The following PRKCB variants were observed in gnomAD, a reference collection of about 807,000 sequenced individuals.
The protein encoded by PRKCB is protein kinase C beta type.
A neutral mutation model predicts 81.5 loss-of-function variants in PRKCB; 13 were observed. The ratio of observed to expected loss-of-function variants is 0.16; its 90% CI spans 0.10 to 0.25. The LOEUF (loss-of-function observed/expected upper bound fraction) is 0.25. PRKCB is among the 10% of genes least tolerant of loss of function. PRKCB has a pLI of 1.00. For synonymous variants in PRKCB, 335 were observed against 321.4 expected (o/e 1.04, Z -0.45); for missense variants, 509 against 875.7 (o/e 0.58, Z 5.29).
intron 3 of PRKCB, among the ~76,000 whole-genome samples, chr16:24,007,060 C>T (rs1198879182): frequency 6.6e-6 from 1 of 152,208 alleles, no homozygotes; most frequent in Non-Finnish European, 1.5e-5. Context: ...TATAAAAGCT[C>T]TGAAACCAGA....
At chr16:24,085,497 C>T (rs1374590391) in intron 5 of PRKCB, among the ~76,000 whole-genome samples, 2 of 152,184 alleles carry the variant, frequency 1.3e-5, no homozygotes, top group East Asian at 1.9e-4. Context: ...CACTGTTATC[C>T]TCTATCATTA....
intron 10 of PRKCB, among the ~76,000 whole-genome samples, chr16:24,155,327 C>T (rs559663781): frequency 1.3e-5 from 2 of 152,268 alleles, no homozygotes; most frequent in South Asian, 4.2e-4. Context: ...TACACAGTGT[C>T]CTGGGAAGGA....
intron 4 of PRKCB, among the ~76,000 whole-genome samples, chr16:24,035,203 G>T (rs559250561): frequency 2.4e-4 from 36 of 152,318 alleles, no homozygotes; most frequent in Non-Finnish European, 4.0e-4. Flanking sequence ...GAACAGACAA[G>T]TTCTACCTCC....
chr16:24,211,825 T>C (rs559587676), intron 16 of PRKCB, among the ~76,000 whole-genome samples: 3 of 152,148 alleles, frequency 2.0e-5, no homozygotes, highest in African/African-American at 7.2e-5. Flanking sequence ...TTCCCAAAGT[T>C]CAGGGATTAC....
At chr16:23,976,369 A>G (rs1260121179) in intron 2 of PRKCB, among the ~76,000 whole-genome samples, 3 of 152,022 alleles carry the variant, frequency 2.0e-5, no homozygotes. Context: ...CAGTTTAACA[A>G]CTCTGCTGGA....
chr16:24,089,384 A>C (rs12448730), intron 5 of PRKCB, among the ~76,000 whole-genome samples: 8,407 of 152,234 alleles, frequency 0.055, 684 homozygotes, highest in African/African-American at 0.18. Flanking sequence ...GAAGGGTTCG[A>C]GTAAACATCG....
intron 3 of PRKCB, among the ~76,000 whole-genome samples, chr16:24,027,748 AC>A (rs1204733732): frequency 6.6e-6 from 1 of 152,194 alleles, no homozygotes; most frequent in African/African-American, 2.4e-5. Flanking sequence ...ATTGAGACAT[AC>A]GTTTCCTGTG....
Position 23,858,351 on chromosome 16 carries a change from GGA to G in PRKCB, c.205+20947_205+20948del, listed in dbSNP as rs574982758. Among the ~76,000 whole-genome samples the G allele has an allele frequency of 2.0e-5, 3 of 152,242 alleles. No homozygotes were observed. The South Asian group carries it at 6.2e-4, about 32-fold the overall frequency. On this transcript the variant is annotated intron_variant, in intron 2 of 16. Coordinates refer to ENST00000643927, the MANE Select transcript of PRKCB (RefSeq NM_002738.7). ...GGTGAAGGGCTCCGGGGGTCACAGA[GGA>G]GCACCATGGTGAGGAAGGCCCCGTA...
At position 23,981,442 on chromosome 16, in the gene PRKCB, A is replaced by T. The variant is rs139098644; in HGVS notation, c.206-7066A>T. Among the ~76,000 whole-genome samples the T allele has an allele frequency of 3.0e-4, 45 of 151,942 alleles. 2 individuals carry two copies. In the East Asian group the frequency reaches 6.2e-3, roughly 21 times the overall value. On this transcript the variant is annotated intron_variant, in intron 2 of 16. Coordinates refer to ENST00000643927, the MANE Select transcript of PRKCB (RefSeq NM_002738.7). Reference sequence around the variant, plus strand: ...TCACATCTGCAAAATCAATTTTGTCATGTAAGTAATATATTCACAGGTCCC... The same window carrying T: ...TCACATCTGCAAAATCAATTTTGTCTTGTAAGTAATATATTCACAGGTCCC...
At chr16:24,023,784 C>A (rs551895562) in intron 3 of PRKCB, among the ~76,000 whole-genome samples, 40 of 152,292 alleles carry the variant, frequency 2.6e-4, no homozygotes, top group African/African-American at 9.1e-4. Flanking sequence ...CCTTTTCCCC[C>A]AACCTTCCAC....
chr16:24,110,055 A>G (rs1966652113), intron 7 of PRKCB, among the ~76,000 whole-genome samples: 1 of 139,810 alleles, frequency 7.2e-6, no homozygotes, highest in Non-Finnish European at 1.5e-5. Context: ...AGTACAGTCC[A>G]GCTTCGGCTC....
intron 5 of PRKCB, among the ~76,000 whole-genome samples, chr16:24,060,790 C>T (rs1965961988): frequency 6.6e-6 from 1 of 152,214 alleles, no homozygotes; most frequent in Admixed American, 6.5e-5. Context: ...GATCAGGTGA[C>T]ACCTCTGTTG....
intron 10 of PRKCB, among the ~76,000 whole-genome samples, chr16:24,160,114 G>A (rs1030708290): frequency 2.6e-5 from 4 of 151,522 alleles, no homozygotes; most frequent in African/African-American, 9.7e-5. Flanking sequence ...CCAGAAAGAT[G>A]AAATGGCTCA....
At chr16:24,093,331 A>ATATGCT (rs935986413) in intron 6 of PRKCB, among the ~76,000 whole-genome samples, 4 of 151,492 alleles carry the variant, frequency 2.6e-5, no homozygotes, top group African/African-American at 9.8e-5. Context: ...TTTATGGATG[A>ATATGCT]TGCTTGGCCT....
chr16:24,021,040 C>CTTTCTT (rs1256784385), intron 3 of PRKCB, among the ~76,000 whole-genome samples: 17 of 72,386 alleles, frequency 2.3e-4, no homozygotes, highest in East Asian at 9.4e-4. Context: ...TTCTTTCTTT[C>CTTTCTT]TCTTTCTTTC....
intron 7 of PRKCB, among the ~76,000 whole-genome samples, chr16:24,109,014 G>T (rs1966626016): frequency 6.7e-6 from 1 of 148,766 alleles, no homozygotes; most frequent in African/African-American, 2.5e-5. Context: ...GGACGGGGCG[G>T]CTGGCCGGGC....
At chr16:24,166,476 C>G (rs531912874) in intron 10 of PRKCB, among the ~76,000 whole-genome samples, 5 of 152,272 alleles carry the variant, frequency 3.3e-5, no homozygotes, top group Admixed American at 1.3e-4. Flanking sequence ...TACTCCCCCT[C>G]TCCAGCAATA....
chr16:24,042,301 C>T (rs1245939615), intron 5 of PRKCB, among the ~76,000 whole-genome samples: 1 of 152,196 alleles, frequency 6.6e-6, no homozygotes, highest in Admixed American at 6.5e-5. Context: ...ACAGTACTGT[C>T]ATTGCTCATA....
intron 2 of PRKCB, among the ~76,000 whole-genome samples, chr16:23,953,866 A>G (rs774287017): frequency 8.8e-5 from 13 of 147,762 alleles, no homozygotes; most frequent in Non-Finnish European, 1.3e-4. Flanking sequence ...ACTATGATGC[A>G]CGTTACAGGG....
Sources: gnomAD v4.1 joint callset for allele counts (sites outside exome capture counted in the v4.1 genomes callset) on GRCh38, gnomAD v4.1.1 for gene constraint, MANE v1.5 for transcripts, NCBI Gene and HGNC (gene_info 2026-07-23, HGNC 2026-07-21) for gene names.